The following AGMO variants were observed in gnomAD, a reference collection of about 807,000 sequenced individuals.
AGMO encodes the protein alkylglycerol monooxygenase, also known as glyceryl-ether monooxygenase.
In AGMO, 75 loss-of-function variants were observed where a neutral mutation model predicts 60.2. The ratio of observed to expected loss-of-function variants is 1.25; its 90% CI spans 1.03 to 1.51. AGMO has a LOEUF of 1.51. Among genes scored for constraint, AGMO ranks in the 40% most tolerant of loss-of-function variants. The pLI is 0.00. For synonymous variants in AGMO, 261 were observed against 177.1 expected (o/e 1.47, Z -3.76); for missense variants, 763 against 525.5 (o/e 1.45, Z -4.42).
At chr7:15,545,001 TTAAAATTAATATCTTCATA>T (rs1461175111) in intron 2 of AGMO, 78 bp from the exon 3 acceptor site, 1 of 1,003,816 alleles carries the variant, frequency 1.0e-6, no homozygotes, top group East Asian at 3.0e-5. Context: ...TAGATAACAT[TTAAAATTAATATCTTCATA>T]TAAAAAAATG....
At chr7:15,529,332 A>T (rs1340674060) in intron 3 of AGMO, among the ~76,000 whole-genome samples, 2 of 150,984 alleles carry the variant, frequency 1.3e-5, no homozygotes, top group Non-Finnish European at 2.9e-5. Context: ...ATGTAACTTC[A>T]AAAGAACTGG....
At chr7:15,199,463 A>C (rs549857877), downstream of AGMO, among the ~76,000 whole-genome samples, 1 of 152,306 alleles carries the variant, frequency 6.6e-6, no homozygotes, top group Non-Finnish European at 1.5e-5. Context: ...CATATATTAA[A>C]GCATATACAC....
At chr7:15,288,512 C>T (rs1314710204) in intron 12 of AGMO, among the ~76,000 whole-genome samples, 3 of 151,786 alleles carry the variant, frequency 2.0e-5, no homozygotes, top group Non-Finnish European at 4.4e-5. Flanking sequence ...ATGAAAGAAT[C>T]ATTCTAATAA....
intron 12 of AGMO, among the ~76,000 whole-genome samples, chr7:15,248,557 T>C (rs1782836626): frequency 6.6e-6 from 1 of 152,090 alleles, no homozygotes; most frequent in South Asian, 2.1e-4. Flanking sequence ...TGTTCCACCT[T>C]TCAAAAGAAA....
At chr7:15,221,849 T>C (rs201497050) in intron 12 of AGMO, among the ~76,000 whole-genome samples, 2 of 152,136 alleles carry the variant, frequency 1.3e-5, no homozygotes, top group Non-Finnish European at 2.9e-5. Flanking sequence ...TAGAAGATAA[T>C]TGTTAGATAT....
chr7:15,325,268 G>A (rs1022017674), intron 12 of AGMO, among the ~76,000 whole-genome samples: 16 of 151,958 alleles, frequency 1.1e-4, no homozygotes, highest in African/African-American at 3.9e-4. Flanking sequence ...AGGCATTAAA[G>A]GCTAATAAAT....
At chr7:15,429,069 T>C (rs1431254611) in intron 4 of AGMO, among the ~76,000 whole-genome samples, 1 of 152,032 alleles carries the variant, frequency 6.6e-6, no homozygotes, top group African/African-American at 2.4e-5. Context: ...AACTATACAG[T>C]TGTAAAATAG....
chr7:15,355,945 G>A (rs770530424), intron 12 of AGMO, among the ~76,000 whole-genome samples: 3 of 149,318 alleles, frequency 2.0e-5, no homozygotes, highest in Non-Finnish European at 4.4e-5. Context: ...AAAAATCACA[G>A]AAAAGGAAAC....
chr7:15,409,003 G>T (rs1223529036), intron 5 of AGMO, among the ~76,000 whole-genome samples: 1 of 151,786 alleles, frequency 6.6e-6, no homozygotes. Context: ...GGTATTAGAT[G>T]AATTTGAGAA....
intron 12 of AGMO, among the ~76,000 whole-genome samples, chr7:15,298,958 C>A (rs191243516): frequency 2.7e-4 from 41 of 152,232 alleles, no homozygotes; most frequent in African/African-American, 9.4e-4. Flanking sequence ...ATATTTCACA[C>A]CTCATGTCTG....
At chr7:15,132,504 C>T in the AGMO span, among the ~76,000 whole-genome samples, 1 of 152,170 alleles carries the variant, frequency 6.6e-6, no homozygotes, top group East Asian at 1.9e-4. Flanking sequence ...AACTTACAAA[C>T]CTCAGTGCTT....
At chr7:15,254,489 A>G (rs1346840592) in intron 12 of AGMO, among the ~76,000 whole-genome samples, 2 of 152,126 alleles carry the variant, frequency 1.3e-5, no homozygotes, top group Non-Finnish European at 1.5e-5. Context: ...GATGGTTAGT[A>G]ATGTTCAGTA....
chr7:15,455,481 C>T (rs2128506938), intron 3 of AGMO, among the ~76,000 whole-genome samples: 1 of 152,182 alleles, frequency 6.6e-6, no homozygotes, highest in East Asian at 1.9e-4. Context: ...TTCCCTCCAC[C>T]ATCAATTGGA....
intron 12 of AGMO, among the ~76,000 whole-genome samples, chr7:15,276,181 T>C (rs61405841): frequency 0.068 from 10,322 of 152,286 alleles, 530 homozygotes; most frequent in South Asian, 0.19. Context: ...TACTTTCTTT[T>C]GCATGTTTAG....
At chr7:15,434,119 G>C (rs1158604008) in intron 3 of AGMO, among the ~76,000 whole-genome samples, 1 of 152,000 alleles carries the variant, frequency 6.6e-6, no homozygotes, top group Non-Finnish European at 1.5e-5. Context: ...GGTTGTGGTA[G>C]TCAGACTTCA....
intron 3 of AGMO, among the ~76,000 whole-genome samples, chr7:15,448,242 T>C (rs765850273): frequency 2.0e-5 from 3 of 152,148 alleles, no homozygotes; most frequent in Non-Finnish European, 4.4e-5. Context: ...GGTGGTGCCC[T>C]TTGCAAGGCT....
At chr7:15,355,536 C>T (rs558757052) in intron 12 of AGMO, among the ~76,000 whole-genome samples, 7 of 144,692 alleles carry the variant, frequency 4.8e-5, no homozygotes, top group African/African-American at 1.5e-4. Context: ...AAGGTAAGAT[C>T]ATGGAATTAA....
chr7:15,360,064 A>T (rs1782689358), intron 12 of AGMO, among the ~76,000 whole-genome samples: 1 of 152,188 alleles, frequency 6.6e-6, no homozygotes, highest in Non-Finnish European at 1.5e-5. Context: ...GGCACAACAT[A>T]CTGCACGCAC....
chr7:15,134,740 G>C, the AGMO span, among the ~76,000 whole-genome samples: 2 of 152,036 alleles, frequency 1.3e-5, no homozygotes, highest in African/African-American at 2.4e-5. Flanking sequence ...CTTTGCTGTT[G>C]TGAACAGTGG....
Sources: allele counts gnomAD v4.1 joint callset (sites outside exome capture counted in the v4.1 genomes callset), GRCh38; gene constraint gnomAD v4.1.1; transcripts MANE v1.5; gene names NCBI Gene and HGNC (gene_info 2026-07-23, HGNC 2026-07-21).